ATP8B3: variants seen among roughly 807,000 people sequenced by gnomAD.
The protein encoded by ATP8B3 is ATPase phospholipid transporting 8B3, also known as phospholipid-transporting ATPase IK.
Under a neutral mutation model 140.9 loss-of-function variants are expected in ATP8B3, and 141 were observed. That is an observed-to-expected ratio of 1.00 (90% confidence interval 0.87 to 1.15). The LOEUF (loss-of-function observed/expected upper bound fraction) is 1.15, where lower values mean the gene tolerates loss of function less well. ATP8B3 is among the 50% of genes most tolerant of loss of function. The pLI, the probability that ATP8B3 is intolerant of heterozygous loss-of-function variation, is 0.00. For synonymous variants in ATP8B3, 765 were observed against 714.6 expected (o/e 1.07, Z -1.13); for missense variants, 1,874 against 1,740.6 (o/e 1.08, Z -1.36).
intron 18 of ATP8B3, among the ~76,000 whole-genome samples, chr19:1,793,724 AT>A (rs1156973070): frequency 6.6e-6 from 1 of 151,808 alleles, no homozygotes; most frequent in Admixed American, 6.6e-5. Context: ...TAGGTCTCAA[AT>A]TTGTTTATTT....
chr19:1,810,567 C>T, intron 3 of ATP8B3, 55 bp downstream of exon 3: 1 of 1,566,628 alleles, frequency 6.4e-7, no homozygotes, highest in Non-Finnish European at 8.7e-7. Flanking sequence ...CCTGGCCAGC[C>T]CTGAACTTCA....
rs1349712072 is a variant in ATP8B3 at position 1,789,360 on chromosome 19, C to T, written c.2845+1G>A. The T allele has an allele frequency of 1.9e-6, 3 of 1,542,960 alleles. No homozygotes were observed. The highest frequency in any genetic ancestry group is 1.7e-4 in the Middle Eastern group (1 of 5,906). On this transcript the variant is annotated splice_donor_variant, in intron 23 of 28. Transcript: ENST00000310127. LOFTEE classifies it high-confidence loss of function. The stretch of plus-strand genomic sequence containing the variant: ...CCCCCAGCCCCGCCGCCGCCACCCA[C>T]TCTTGATCATGTTGATGTCGTTGGC...
chr19:1,790,941 GC>G, intron 20 of ATP8B3, 109 bp from the exon 21 acceptor site: 1 of 892,190 alleles, frequency 1.1e-6, no homozygotes, highest in Non-Finnish European at 1.7e-6. Context: ...GCAGCCACAT[GC>G]CCCACCCCCT....
At chr19:1,787,283 C>A in intron 24 of ATP8B3, 97 bp from the exon 25 acceptor site, 1 of 1,031,480 alleles carries the variant, frequency 9.7e-7, no homozygotes, top group Non-Finnish European at 1.5e-6. Context: ...GGTGAGGTAA[C>A]TCTGGTCGAG....
intron 24 of ATP8B3, among the ~76,000 whole-genome samples, chr19:1,787,906 G>T (rs2068359125): frequency 6.6e-6 from 1 of 151,758 alleles, no homozygotes; most frequent in Non-Finnish European, 1.5e-5. Flanking sequence ...GCCAGGCATG[G>T]TGGCAGGTGT....
chr19:1,797,173 C>T (rs1385194367), intron 14 of ATP8B3, among the ~76,000 whole-genome samples, 168 bp from the exon 15 acceptor site: 1 of 152,212 alleles, frequency 6.6e-6, no homozygotes, highest in Non-Finnish European at 1.5e-5. Context: ...CGAAAGCTGA[C>T]CTCAGTTTCC....
chr19:1,802,110 C>A, intron 11 of ATP8B3, 66 bp from the exon 12 acceptor site: 1 of 1,135,608 alleles, frequency 8.8e-7, no homozygotes, highest in South Asian at 1.5e-5. Flanking sequence ...ACCCATCACT[C>A]ACCCATCCAC....
chr19:1,806,226 C>G lies in ATP8B3; in HGVS notation c.678-57G>C. 1 of 1,547,796 alleles carries G rather than the reference C, an allele frequency of 6.5e-7. No homozygotes were observed. The highest frequency in any genetic ancestry group is 1.2e-5 in the South Asian group (1 of 84,106). On this transcript the variant is annotated intron_variant, in intron 7 of 28. Transcript: ENST00000310127. This position sits in a 1 kb window ranked among gnomAD's most constrained non-coding sequence, Gnocchi z 5.6. ...CTCCCTCTGCCAACCCTCCCCACAC[C>G]GGGAGACCAGAGGCACGGGATGACG...
chr19:1,809,944 C>T (rs373888464), intron 3 of ATP8B3, among the ~76,000 whole-genome samples: 3 of 152,332 alleles, frequency 2.0e-5, no homozygotes, highest in Middle Eastern at 3.4e-3. Flanking sequence ...AAGTGGATTC[C>T]GAGAGTGGCC....
intron 18 of ATP8B3, among the ~76,000 whole-genome samples, chr19:1,792,957 C>T (rs1442927192): frequency 1.3e-5 from 2 of 151,862 alleles, no homozygotes; most frequent in Admixed American, 1.3e-4. Context: ...GCCCCTGCTC[C>T]CCACCTACTC....
Position 1,789,138 on chromosome 19 carries a change from C to A in ATP8B3, c.2846-18G>T. The A allele has an allele frequency of 1.9e-6, 3 of 1,547,226 alleles. No homozygotes were observed. The South Asian group carries it at 3.5e-5, about 18-fold the overall frequency. On this transcript the variant is annotated intron_variant, in intron 23 of 28. Coordinates refer to ENST00000310127, the MANE Select transcript of ATP8B3 (RefSeq NM_138813.4). ...GTCCGCGGCTGCAGGGCACAAGCAG[C>A]TGGTCAGCCCCCCGCACGCCCCCAG...
chr19:1,785,827 T>A, intron 25 of ATP8B3, 119 bp from the exon 26 acceptor site: 1 of 1,128,886 alleles, frequency 8.9e-7, no homozygotes, highest in Non-Finnish European at 1.2e-6. Context: ...TCTTTGAGTT[T>A]AAGTGAGTTA....
chr19:1,799,999 G>C lies in ATP8B3; in HGVS notation c.1500C>G (p.Leu500=). 1 of 1,606,632 alleles carries C rather than the reference G, an allele frequency of 6.2e-7. No individual in the cohort carries two copies. The highest frequency in any genetic ancestry group is 8.5e-7 in the Non-Finnish European group (1 of 1,176,850). Reference sequence around the variant, plus strand: ...TGTTGAAGGTCAAGATGTTCTGCGTGAGCGTGCCCGTCTTGTCCGAGAAGA... The same window carrying C: ...TGTTGAAGGTCAAGATGTTCTGCGTCAGCGTGCCCGTCTTGTCCGAGAAGA... ...EYIFSDKTGT[L]TQNILTFNKC... is the part of the protein sequence containing the mutation. The change falls in exon 14 of 29, where the codon CTC becomes CTG. Residue 500 remains leucine (L), a synonymous_variant. Coordinates refer to ENST00000310127, the MANE Select transcript of ATP8B3 (RefSeq NM_138813.4).
At position 1,785,624 on chromosome 19, in the gene ATP8B3, C is replaced by G. The variant is rs757543387; in HGVS notation, c.3238G>C (p.Val1080Leu). Residue 1080 changes from valine to leucine, a missense_variant, in exon 26 of 29, where the codon GTC becomes CTC. Physicochemically the swap from Val to Leu is conservative, Grantham distance 32. Around this residue, in one of 3 missense-constraint regions of ATP8B3, gnomAD observed 840 missense variants for 760.9 expected, o/e 1.10. Transcript: ENST00000310127. ...GTCACACCATGGGCGATGGCTTGGA[C>G]GAAGACCCAGTAGTTGAAGAGCTCG... ...KDELFNYWVF[V>L]QAIAHGVTTS... 1 of 1,613,266 alleles carries G rather than the reference C, an allele frequency of 6.2e-7. No homozygotes were observed.
At chr19:1,784,771 G>C (rs1342512907) in intron 28 of ATP8B3, 48 bp downstream of exon 28, 13 of 1,539,884 alleles carry the variant, frequency 8.4e-6, no homozygotes, top group African/African-American at 2.7e-5. Context: ...CCCCAACCAG[G>C]GTCCTGGAAT....
Position 1,800,465 on chromosome 19 carries a change from G to A in ATP8B3, c.1153-16C>T, listed in dbSNP as rs755523716. 34 of 1,514,128 alleles carry A rather than the reference G, an allele frequency of 2.2e-5. No individual in the cohort carries two copies. The highest frequency in any genetic ancestry group is 2.9e-5 in the Non-Finnish European group (32 of 1,102,026). The allele number at this position is 1,514,128 out of a possible 1,614,324, so 93.8% of individuals were successfully genotyped here. ...AGATGAAGATCTGGAAGGCAGACGCGACAGGGTGGGTGAGGGGGGCGGGGG... is the reference window on the plus strand; with the variant it reads ...AGATGAAGATCTGGAAGGCAGACGCAACAGGGTGGGTGAGGGGGGCGGGGG... On this transcript the variant is annotated splice_polypyrimidine_tract_variant and intron_variant, in intron 12 of 28. Coordinates refer to ENST00000310127, the MANE Select transcript of ATP8B3 (RefSeq NM_138813.4). This position sits in a 1 kb window ranked among gnomAD's most constrained non-coding sequence, Gnocchi z 4.4.
chr19:1,785,167 G>A lies in ATP8B3; in HGVS notation c.3524C>T (p.Pro1175Leu), dbSNP rs749065705. ...TCCCCATGGGGGCTCACACAGAAACGGGAAGGTCGTGGGGGATACTCTGAA... is the reference window on the plus strand; with the variant it reads ...TCCCCATGGGGGCTCACACAGAAACAGGAAGGTCGTGGGGGATACTCTGAA... The part of the protein sequence containing the change: ...WLFRVSPTTF[P>L]FLYADLSVMS... Residue 1175 changes from proline to leucine, a missense_variant, in exon 27 of 29, where the codon CCG becomes CTG. Coordinates refer to ENST00000310127, the MANE Select transcript of ATP8B3 (RefSeq NM_138813.4). 7.9e-5 allele frequency: 125 copies of A among 1,577,128 alleles called. No individual in the cohort carries two copies. The highest frequency in any genetic ancestry group is 3.4e-4 in the Middle Eastern group (2 of 5,958).
At chr19:1,784,092 G>C (rs927119037) in intron 28 of ATP8B3, among the ~76,000 whole-genome samples, 1 of 152,138 alleles carries the variant, frequency 6.6e-6, no homozygotes, top group African/African-American at 2.4e-5. Flanking sequence ...TGCACAGATG[G>C]AGCGTGCCGT....
rs2069019258 is a variant in ATP8B3, at chr19:1,806,346, C to T, written c.678-177G>A. The stretch of plus-strand genomic sequence containing the variant: ...CCCACTCCCCGCGGGTCCACGCTCC[C>T]ACCCAGTGACCTCCAGGGTCCTGCA... On this transcript the variant is annotated intron_variant, in intron 7 of 28. Coordinates refer to ENST00000310127, the MANE Select transcript of ATP8B3 (RefSeq NM_138813.4). This position sits in a 1 kb window ranked among gnomAD's most constrained non-coding sequence, Gnocchi z 5.6. The T allele has an allele frequency of 9.6e-6, 14 of 1,460,268 alleles. No individual in the cohort carries two copies. In the East Asian group the frequency reaches 3.5e-4, roughly 36 times the overall value. The allele number at this position is 1,460,268 out of a possible 1,614,324, so 90.5% of individuals were successfully genotyped here. A position where few individuals can be genotyped will look rare whatever the true frequency, so the allele number is the denominator to read the frequency against.
Sources: gnomAD v4.1 joint callset for allele counts (sites outside exome capture counted in the v4.1 genomes callset) on GRCh38, gnomAD v4.1.1 for gene constraint, gnomAD v4.1.1 regional missense constraint, Gnocchi (gnomAD v3.1) non-coding constraint, MANE v1.5 for transcripts, NCBI Gene and HGNC (gene_info 2026-07-23, HGNC 2026-07-21) for gene names.